TAFA5: variants seen among roughly 807,000 people sequenced by gnomAD.
TAFA5 encodes chemokine-like protein TAFA-5.
In TAFA5, 6 loss-of-function variants were observed where a neutral mutation model predicts 15.3. The observed-to-expected ratio is 0.39, with a 90% CI of 0.21 to 0.77. The LOEUF is 0.77. Ranked by LOEUF, TAFA5 falls within the 30% of genes least tolerant of loss-of-function variation. The pLI is 0.41. For missense variants in TAFA5, 161 were observed against 193.1 expected, an observed-to-expected ratio of 0.83 and a Z score of 0.98; for synonymous variants, 103 against 80.7, an observed-to-expected ratio of 1.28 and a Z score of -1.48.
At chr22:48,524,999 G>A (rs1424418636) in intron 1 of TAFA5, among the ~76,000 whole-genome samples, 1 of 151,946 alleles carries the variant, frequency 6.6e-6, no homozygotes, top group African/African-American at 2.4e-5. Context: ...CTGTAGAGCC[G>A]CAACTTCTCT....
At position 48,621,568 on chromosome 22, in the gene TAFA5, G is replaced by A. The variant is rs142720768; in HGVS notation, c.113-25029G>A. Among the ~76,000 whole-genome samples, 200 of 152,264 alleles carry A rather than the reference G, an allele frequency of 1.3e-3. 7 individuals are homozygous for A. The East Asian group carries it at 0.033, about 25-fold the overall frequency. On this transcript the variant is annotated intron_variant, in intron 1 of 3. Coordinates refer to ENST00000402357, the MANE Select transcript of TAFA5 (RefSeq NM_001082967.3). ...GGGCATCGGCGGTTGTAGCAGGAGC[G>A]AGTAGAAGGGAGCCTGGTGTCCCAG...
At chr22:48,632,773 G>A (rs748833889) in intron 1 of TAFA5, among the ~76,000 whole-genome samples, 1 of 152,336 alleles carries the variant, frequency 6.6e-6, no homozygotes, top group African/African-American at 2.4e-5. Flanking sequence ...GAGGCTGGAG[G>A]CCTCCTCGTC....
intron 3 of TAFA5, among the ~76,000 whole-genome samples, chr22:48,749,010 G>A (rs1251783306): frequency 1.3e-5 from 2 of 152,176 alleles, no homozygotes; most frequent in African/African-American, 2.4e-5. Context: ...TGAGTGTCAG[G>A]GGGAAGCTGA....
chr22:48,600,431 C>T (rs1480990267), intron 1 of TAFA5, among the ~76,000 whole-genome samples: 1 of 152,168 alleles, frequency 6.6e-6, no homozygotes, highest in Non-Finnish European at 1.5e-5. Context: ...CCCGAGGCAG[C>T]CCTTGTGGCC....
chr22:48,501,919 T>C (rs1271230131), intron 1 of TAFA5, among the ~76,000 whole-genome samples: 1 of 152,178 alleles, frequency 6.6e-6, no homozygotes, highest in African/African-American at 2.4e-5. Context: ...GTTGCAGAGA[T>C]GGGGTGTGCG....
chr22:48,499,140 T>G (rs552135463), intron 1 of TAFA5, among the ~76,000 whole-genome samples: 1 of 152,224 alleles, frequency 6.6e-6, no homozygotes, highest in South Asian at 2.1e-4. Context: ...CACTTCTGTT[T>G]CCAGAGCTTG....
At chr22:48,670,905 A>T (rs1413890678) in intron 2 of TAFA5, among the ~76,000 whole-genome samples, 2 of 152,188 alleles carry the variant, frequency 1.3e-5, no homozygotes, top group African/African-American at 4.8e-5. Flanking sequence ...AGCCTGGGAC[A>T]GTTGGTGCTA....
chr22:48,735,654 G>A (rs1429291618), intron 3 of TAFA5, among the ~76,000 whole-genome samples: 1 of 152,350 alleles, frequency 6.6e-6, no homozygotes, highest in East Asian at 1.9e-4. Context: ...TTGTACTCAT[G>A]ATGCTTTGGA....
chr22:48,535,840 C>T (rs1298535052), intron 1 of TAFA5, among the ~76,000 whole-genome samples: 2 of 151,940 alleles, frequency 1.3e-5, no homozygotes, highest in East Asian at 3.9e-4. Context: ...ATGCTGCACA[C>T]ACATCACACA....
chr22:48,576,294 C>T lies in TAFA5; in HGVS notation c.113-70303C>T, dbSNP rs1235370167. The T allele has an allele frequency of 8.8e-6, 10 of 1,137,362 alleles. No individual in the cohort carries two copies. In the Admixed American group the frequency reaches 1.9e-4, roughly 21 times the overall value. The allele number at this position is 1,137,362 out of a possible 1,614,324, so 70.5% of individuals were successfully genotyped here. A position where few individuals can be genotyped will look rare whatever the true frequency, so the allele number is the denominator to read the frequency against. On this transcript the variant is annotated intron_variant, in intron 1 of 3. Coordinates refer to ENST00000402357, the MANE Select transcript of TAFA5 (RefSeq NM_001082967.3). ...CCCCCTCCCCCCGCCCGCTCCCCTC[C>T]CCCCTGCCCAGAAAGACACAAATCG...
intron 1 of TAFA5, among the ~76,000 whole-genome samples, chr22:48,564,274 G>T (rs747292049): frequency 6.6e-6 from 1 of 152,252 alleles, no homozygotes; most frequent in African/African-American, 2.4e-5. Context: ...CAGGTTGCGC[G>T]GATGGGAGGC....
At chr22:48,642,546 G>A (rs1926720518) in intron 1 of TAFA5, among the ~76,000 whole-genome samples, 1 of 152,180 alleles carries the variant, frequency 6.6e-6, no homozygotes, top group Non-Finnish European at 1.5e-5. Flanking sequence ...GGACCACTGA[G>A]GACCCTGTCC....
At position 48,609,042 on chromosome 22, in the gene TAFA5, C is replaced by T. The variant is rs116465565; in HGVS notation, c.113-37555C>T. ...GGTTCATTTGAGTGGGTTGGGGGAG[C>T]GTCAGGAGGCCCCTAGGCTGCAGTT... On this transcript the variant is annotated intron_variant, in intron 1 of 3. Coordinates refer to ENST00000402357, the MANE Select transcript of TAFA5 (RefSeq NM_001082967.3). Among the ~76,000 whole-genome samples the T allele has an allele frequency of 7.1e-3, 1,077 of 152,222 alleles. 11 individuals carry two copies. Among genetic ancestry groups the T allele is most frequent in the African/African-American group, 0.024 (998 of 41,522 alleles).
intron 3 of TAFA5, among the ~76,000 whole-genome samples, chr22:48,718,462 G>A (rs974816239): frequency 2.0e-5 from 3 of 152,162 alleles, no homozygotes; most frequent in African/African-American, 7.2e-5. Flanking sequence ...CACGCAAGCA[G>A]GGAGGGAGGA....
rs1922808663 is a variant in TAFA5, at chr22:48,550,137, G to A, written c.112+60433G>A. On this transcript the variant is annotated intron_variant, in intron 1 of 3. Coordinates refer to ENST00000402357, the MANE Select transcript of TAFA5 (RefSeq NM_001082967.3). The surrounding 1 kb of genome is among the most constrained non-coding windows in gnomAD (Gnocchi z 4.1). Reference sequence around the variant, plus strand: ...ACTTTGGGGTATGCTGGGCATGGGTGTAGCAGCCTGTGTGTGTCCACCCGA... The same window carrying A: ...ACTTTGGGGTATGCTGGGCATGGGTATAGCAGCCTGTGTGTGTCCACCCGA... Among the ~76,000 whole-genome samples, 1 of 152,228 alleles carries A rather than the reference G, an allele frequency of 6.6e-6. No individual in the cohort carries two copies. The highest frequency in any genetic ancestry group is 6.5e-5 in the Admixed American group (1 of 15,286).
intron 3 of TAFA5, among the ~76,000 whole-genome samples, chr22:48,723,595 T>C (rs1032652722): frequency 3.9e-5 from 6 of 152,194 alleles, no homozygotes; most frequent in Non-Finnish European, 7.3e-5. Flanking sequence ...CAAAAAGACT[T>C]ACTGGGTCAG....
At chr22:48,695,754 G>T (rs531669289) in intron 2 of TAFA5, among the ~76,000 whole-genome samples, 2 of 152,332 alleles carry the variant, frequency 1.3e-5, no homozygotes, top group East Asian at 3.9e-4. Flanking sequence ...TTCCTGAGCT[G>T]CCGACTCTTT....
intron 1 of TAFA5, among the ~76,000 whole-genome samples, chr22:48,585,054 C>CA (rs368392985): frequency 1 from 146,766 of 147,156 alleles, 73,188 homozygotes; most frequent in Middle Eastern, 1. Context: ...ACACCACTCA[C>CA]AAAAACATCA....
chr22:48,603,112 C>T (rs940064259), intron 1 of TAFA5, among the ~76,000 whole-genome samples: 5 of 152,234 alleles, frequency 3.3e-5, no homozygotes, highest in African/African-American at 1.2e-4. Context: ...CCAGGCCAGG[C>T]CCCCCACGTC....
Sources: gnomAD v4.1 joint callset for allele counts (sites outside exome capture counted in the v4.1 genomes callset) on GRCh38, gnomAD v4.1.1 for gene constraint, Gnocchi (gnomAD v3.1) non-coding constraint, MANE v1.5 for transcripts, NCBI Gene and HGNC (gene_info 2026-07-23, HGNC 2026-07-21) for gene names.